DLG2: variants seen among roughly 807,000 people sequenced by gnomAD.
The protein encoded by DLG2 is disks large homolog 2.
A neutral mutation model predicts 132.5 loss-of-function variants in DLG2; 45 were observed. The ratio of observed to expected loss-of-function variants is 0.34; its 90% confidence interval spans 0.27 to 0.44. The LOEUF is 0.44. DLG2 is among the 20% of genes least tolerant of loss of function. DLG2 has a pLI of 1.00. For synonymous variants in DLG2, 424 were observed against 419.6 expected (o/e 1.01, Z -0.13); for missense variants, 1,045 against 1,196.9 (o/e 0.87, Z 1.87).
intron 8 of DLG2, among the ~76,000 whole-genome samples, chr11:84,222,874 A>G (rs892196167): frequency 2.0e-5 from 3 of 152,210 alleles, no homozygotes; most frequent in African/African-American, 7.2e-5. Flanking sequence ...GCAAATGAAC[A>G]AAAAAAGTGA....
intron 19 of DLG2, among the ~76,000 whole-genome samples, chr11:83,603,427 T>A (rs2058862374): frequency 6.6e-6 from 1 of 152,182 alleles, no homozygotes; most frequent in Admixed American, 6.5e-5. Flanking sequence ...CCATCTTACA[T>A]TGTTATCTTT....
intron 6 of DLG2, among the ~76,000 whole-genome samples, chr11:85,099,476 A>G (rs1212579879): frequency 6.6e-6 from 1 of 152,240 alleles, no homozygotes; most frequent in Non-Finnish European, 1.5e-5. Flanking sequence ...ATAATTTATA[A>G]GTACAAAAAA....
chr11:85,007,528 TG>T (rs1459544736), intron 6 of DLG2, among the ~76,000 whole-genome samples: 3 of 150,018 alleles, frequency 2.0e-5, no homozygotes, highest in Middle Eastern at 3.2e-3. Flanking sequence ...TAGCCGGGCA[TG>T]GTGGCAGGTG....
chr11:85,465,574 C>T (rs571074297), intron 3 of DLG2, among the ~76,000 whole-genome samples: 15 of 151,962 alleles, frequency 9.9e-5, no homozygotes, highest in East Asian at 5.8e-4. Flanking sequence ...TTTGTCCTTG[C>T]GATAGTTTGC....
intron 6 of DLG2, among the ~76,000 whole-genome samples, chr11:84,956,445 T>A (rs1198084465): frequency 6.6e-6 from 1 of 152,188 alleles, no homozygotes; most frequent in Non-Finnish European, 1.5e-5. Flanking sequence ...TTGAACCAGG[T>A]CATATTTGAG....
intron 7 of DLG2, among the ~76,000 whole-genome samples, chr11:84,484,547 T>C (rs1459784206): frequency 2.0e-5 from 3 of 152,210 alleles, no homozygotes; most frequent in African/African-American, 7.2e-5. Flanking sequence ...TTAGAGTATA[T>C]GGACATTTAG....
chr11:84,578,587 A>G (rs542990681), intron 6 of DLG2, among the ~76,000 whole-genome samples: 62 of 152,294 alleles, frequency 4.1e-4, no homozygotes, highest in African/African-American at 1.5e-3. Flanking sequence ...CCCATTTGGA[A>G]TGGCTGTATT....
intron 6 of DLG2, among the ~76,000 whole-genome samples, chr11:84,671,397 C>A (rs1016602785): frequency 3.3e-5 from 5 of 152,062 alleles, no homozygotes; most frequent in African/African-American, 1.2e-4. Flanking sequence ...GCCATTGTAC[C>A]TGGCCTTACA....
chr11:83,739,880 A>C (rs2092363808), intron 18 of DLG2, among the ~76,000 whole-genome samples: 1 of 152,138 alleles, frequency 6.6e-6, no homozygotes, highest in African/African-American at 2.4e-5. Flanking sequence ...GTATGTAGGA[A>C]GTAGGCTTGA....
At chr11:85,071,504 T>C (rs2065861061) in intron 6 of DLG2, among the ~76,000 whole-genome samples, 1 of 151,878 alleles carries the variant, frequency 6.6e-6, no homozygotes, top group Admixed American at 6.6e-5. Flanking sequence ...GACAATATGA[T>C]AGGCATCTCA....
chr11:84,017,575 T>G (rs1306446900), intron 11 of DLG2, among the ~76,000 whole-genome samples: 1 of 152,080 alleles, frequency 6.6e-6, no homozygotes, highest in East Asian at 1.9e-4. Flanking sequence ...ATTTCATTTA[T>G]TTAGCTAGCT....
At chr11:84,809,514 G>A (rs1383574647) in intron 6 of DLG2, among the ~76,000 whole-genome samples, 2 of 151,124 alleles carry the variant, frequency 1.3e-5, no homozygotes, top group African/African-American at 2.4e-5. Context: ...TACAAAAAAA[G>A]AAAAGAAATC....
At chr11:83,847,086 ATAAGT>A (rs558577619) in intron 16 of DLG2, among the ~76,000 whole-genome samples, 180 of 152,266 alleles carry the variant, frequency 1.2e-3, no homozygotes, top group African/African-American at 4.1e-3. Context: ...AGTTTTAAAG[ATAAGT>A]TAATTATAAA....
chr11:84,173,968 T>C (rs1793039), intron 8 of DLG2, among the ~76,000 whole-genome samples: 124,440 of 145,702 alleles, frequency 0.85, 53,637 homozygotes, highest in Middle Eastern at 0.94. Context: ...AGCTCTGTCC[T>C]TTGTTGCTTT....
intron 5 of DLG2, among the ~76,000 whole-genome samples, chr11:85,144,786 G>A (rs925644302): frequency 1.3e-5 from 2 of 151,574 alleles, no homozygotes; most frequent in South Asian, 4.2e-4. Flanking sequence ...CTATTTCTTA[G>A]AAATATGTTG....
chr11:83,457,140 G>A lies in DLG2; in HGVS notation c.*2678C>T, dbSNP rs1172187444. ...GAAGGTGACATTGCACCCCCAGCAA[G>A]CCTTCAGGTTGGAGAGAGCTCTGGA... is the stretch of plus-strand genomic sequence containing the variant. On this transcript the variant is annotated 3_prime_UTR_variant, in exon 28 of 28. Transcript: ENST00000376104. The A allele has an allele frequency of 6.6e-6, 1 of 152,654 alleles. No individual in the cohort carries two copies. Among genetic ancestry groups the A allele is most frequent in the African/African-American group, 2.4e-5 (1 of 41,444 alleles). 9.5% of individuals were successfully genotyped at this position (152,654 alleles called of 1,614,324 possible).
At chr11:85,452,524 C>A in intron 3 of DLG2, 1 of 200,492 alleles carries the variant, frequency 5.0e-6, no homozygotes. Flanking sequence ...ACTACTATAG[C>A]CTCCATCACT....
chr11:83,725,701 A>C (rs1298510089), intron 18 of DLG2, among the ~76,000 whole-genome samples: 1 of 152,218 alleles, frequency 6.6e-6, no homozygotes, highest in African/African-American at 2.4e-5. Context: ...GGAAACCAGG[A>C]CGATTTAGAT....
At chr11:84,642,019 TAC>T (rs527784950) in intron 6 of DLG2, among the ~76,000 whole-genome samples, 3,339 of 140,888 alleles carry the variant, frequency 0.024, 156 homozygotes, top group African/African-American at 0.085. Flanking sequence ...TATATATATA[TAC>T]ACACACACAC....
Sources: gnomAD v4.1 joint callset for allele counts (sites outside exome capture counted in the v4.1 genomes callset) on GRCh38, gnomAD v4.1.1 for gene constraint, MANE v1.5 for transcripts, NCBI Gene and HGNC (gene_info 2026-07-23, HGNC 2026-07-21) for gene names.